Variants in PGM2 observed in about 807,000 individuals in gnomAD.
PGM2 encodes the protein phosphoglucomutase 2, also known as phosphopentomutase.
PGM2 carries 57 observed loss-of-function variants against 74.6 expected under a neutral mutation model. That is an observed-to-expected ratio of 0.76 (90% CI 0.62 to 0.95). PGM2 has a LOEUF of 0.95. Ranked by LOEUF, PGM2 falls within the 40% of genes least tolerant of loss-of-function variation. PGM2 has a pLI of 0.00. For missense variants in PGM2, 706 were observed against 741.9 expected, an observed-to-expected ratio of 0.95 and a Z score of 0.56; for synonymous variants, 273 against 260.7, an observed-to-expected ratio of 1.05 and a Z score of -0.46.
At chr4:37,859,913 T>C (rs2152182913) in intron 13 of PGM2, among the ~76,000 whole-genome samples, 1 of 152,336 alleles carries the variant, frequency 6.6e-6, no homozygotes, top group Middle Eastern at 3.4e-3. Context: ...CTGTTATTTT[T>C]AAAGATGTTA....
At position 37,845,636 on chromosome 4, in the gene PGM2, T is replaced by G; in HGVS notation, c.913T>G (p.Leu305Val). The G allele has an allele frequency of 6.3e-7, 1 of 1,598,448 alleles. No homozygotes were observed. Residue 305 changes from leucine (L) to valine (V), a missense_variant, in exon 8 of 14, where the codon TTG (leucine) becomes GTG (valine). Physicochemically the swap from Leu to Val is conservative, Grantham distance 32. Around this residue, in one of 3 missense-constraint regions of PGM2, gnomAD observed 359 missense variants for 371.1 expected, o/e 0.97. Coordinates refer to ENST00000381967, the MANE Select transcript of PGM2 (RefSeq NM_018290.4). ...TTATTTTCATATTCTTCTTCAGACTTTGTCTTTTGCTTTGGCTGACAAAAC... is the reference window on the plus strand; with the variant it reads ...TTATTTTCATATTCTTCTTCAGACTGTGTCTTTTGCTTTGGCTGACAAAAC... Reference protein sequence around the residue: ...NPEEGKGVLTLSFALADKTKA... With the variant: ...NPEEGKGVLTVSFALADKTKA...
At chr4:37,849,254 T>A (rs966546395) in intron 11 of PGM2, among the ~76,000 whole-genome samples, 1 of 152,098 alleles carries the variant, frequency 6.6e-6, no homozygotes, top group East Asian at 1.9e-4. Context: ...CTATTCATTT[T>A]TTTGTAGCAC....
chr4:37,854,393 C>G (rs28590248), intron 12 of PGM2, among the ~76,000 whole-genome samples: 37,572 of 151,716 alleles, frequency 0.25, 5,723 homozygotes, highest in African/African-American at 0.43. Context: ...CTCTGTTACC[C>G]AGGCTGGAGT....
rs749686877 is a variant in PGM2, at chr4:37,830,081, G to A, written c.199G>A (p.Gly67Arg). 2.5e-6 allele frequency: 4 copies of A among 1,601,680 alleles called. No homozygotes were observed. Among genetic ancestry groups the A allele is most frequent in the Non-Finnish European group, 3.4e-6 (4 of 1,174,360 alleles). The part of the protein sequence containing the change: ...FGTAGLRAAM[G>R]PGISRMNDLT... ...GACAGCTGGCCTCCGAGCTGCTATG[G>A]GACCTGGAATTTCTCGTATGAATGA... The change falls in exon 2 of 14, where the codon GGA becomes AGA. Residue 67 changes from glycine to arginine, a missense_variant. Around this residue, in one of 3 missense-constraint regions of PGM2, gnomAD observed 332 missense variants for 334.9 expected, o/e 0.99. Transcript: ENST00000381967.
chr4:37,853,957 TC>T (rs1226514513), intron 12 of PGM2, among the ~76,000 whole-genome samples: 1 of 152,220 alleles, frequency 6.6e-6, no homozygotes, highest in Non-Finnish European at 1.5e-5. Flanking sequence ...CAAACCCTGT[TC>T]CTGCTTTCCA....
At chr4:37,832,254 A>G (rs1400171916) in intron 2 of PGM2, among the ~76,000 whole-genome samples, 1 of 152,268 alleles carries the variant, frequency 6.6e-6, no homozygotes, top group Non-Finnish European at 1.5e-5. Context: ...TTATCTGAGC[A>G]GCAAGTATAT....
chr4:37,850,185 T>TA lies in PGM2; in HGVS notation c.1415dup (p.Tyr472Ter). 6.5e-7 allele frequency: 1 copy of TA among 1,533,038 alleles called. No individual in the cohort carries two copies. The allele number at this position is 1,533,038 out of a possible 1,614,324, so 95.0% of individuals were successfully genotyped here. A position where few individuals can be genotyped will look rare whatever the true frequency, so the allele number is the denominator to read the frequency against. The stretch of plus-strand genomic sequence containing the variant: ...CATGAATTTGTATTTGTTTGATAGG[T>TA]ATGGCTACCATATTACTAAAGCTTC... ...SQQLKAIYVE[Y>*]GYHITKASYF... The change falls in exon 12 of 14, where the codon TAT (tyrosine) becomes TAAT (stop). Residue 472 changes from tyrosine to a stop codon, truncating the protein, a stop_gained and frameshift_variant and splice_region_variant. Coordinates refer to ENST00000381967, the MANE Select transcript of PGM2 (RefSeq NM_018290.4). LOFTEE classifies it high-confidence loss of function.
chr4:37,845,046 A>G (rs1041900729), intron 7 of PGM2, among the ~76,000 whole-genome samples: 1 of 152,072 alleles, frequency 6.6e-6, no homozygotes. Context: ...GATCTTTCAA[A>G]TTAAACACCC....
At chr4:37,826,951 C>T (rs1212428484) in intron 1 of PGM2, 138 bp downstream of exon 1, 2 of 587,734 alleles carry the variant, frequency 3.4e-6, no homozygotes, top group Non-Finnish European at 3.0e-6. Context: ...GACCCAGGAG[C>T]GTACGGCCGC....
Position 37,845,579 on chromosome 4 carries a change from A to G in PGM2, c.910-54A>G, listed in dbSNP as rs918275371. 5.1e-5 allele frequency: 62 copies of G among 1,214,086 alleles called. No individual in the cohort carries two copies. The African/African-American group carries it at 7.4e-4, about 15-fold the overall frequency. The allele number at this position is 1,214,086 out of a possible 1,614,324, so 75.2% of individuals were successfully genotyped here. A position where few individuals can be genotyped will look rare whatever the true frequency, so the allele number is the denominator to read the frequency against. ...AAGGAACTGAATGTTTTTAAAGACTATCATATGCTCGATTCTTGATTAAAT... is the reference window on the plus strand; with the variant it reads ...AAGGAACTGAATGTTTTTAAAGACTGTCATATGCTCGATTCTTGATTAAAT... On this transcript the variant is annotated intron_variant, in intron 7 of 13. Coordinates refer to ENST00000381967, the MANE Select transcript of PGM2 (RefSeq NM_018290.4).
At chr4:37,843,328 T>G (rs1056290095) in intron 6 of PGM2, among the ~76,000 whole-genome samples, 1 of 152,226 alleles carries the variant, frequency 6.6e-6, no homozygotes, top group Non-Finnish European at 1.5e-5. Context: ...TCTTACATAT[T>G]TATTTTCCAA....
chr4:37,861,486 A>G (rs1711770463), intron 13 of PGM2, 24 bp from the exon 14 acceptor site: 1 of 1,517,084 alleles, frequency 6.6e-7, no homozygotes, highest in Non-Finnish European at 9.2e-7. Flanking sequence ...CTTGACCTGG[A>G]TTTTTTTCCC....
At chr4:37,836,770 C>T (rs971393895) in intron 3 of PGM2, among the ~76,000 whole-genome samples, 14 of 152,138 alleles carry the variant, frequency 9.2e-5, no homozygotes, top group African/African-American at 3.4e-4. Context: ...GCGTCTTACC[C>T]TAAGCAAGTT....
rs759648101 is a variant in PGM2 at position 37,839,875 on chromosome 4, T to C, written c.469T>C (p.Cys157Arg). Residue 157 changes from cysteine (C) to arginine (R), a missense_variant, in exon 5 of 14, where the codon TGT becomes CGT. Physicochemically the swap from Cys to Arg is radical, Grantham distance 180. This residue lies in a region of PGM2 where 332 missense variants were observed against 334.9 expected (regional missense o/e 0.99). Coordinates refer to ENST00000381967, the MANE Select transcript of PGM2 (RefSeq NM_018290.4). ...VPFTVSHLKL[C>R]AGIMITASHN... ...CTTCACAGTATCACATTTGAAACTTTGTGCTGGAATCATGATAACTGCATC... is the reference window on the plus strand; with the variant it reads ...CTTCACAGTATCACATTTGAAACTTCGTGCTGGAATCATGATAACTGCATC... The C allele has an allele frequency of 1.8e-5, 29 of 1,606,336 alleles. 1 individual carries two copies. The South Asian group carries it at 2.3e-4, about 13-fold the overall frequency.
Position 37,850,383 on chromosome 4 carries a change from GTCTTC to G in PGM2, c.1602+15_1602+19del. 6.8e-7 allele frequency: 1 copy of G among 1,460,312 alleles called. No individual in the cohort carries two copies. The highest frequency in any genetic ancestry group is 9.2e-7 in the Non-Finnish European group (1 of 1,091,530). 90.5% of individuals were successfully genotyped at this position (1,460,312 alleles called of 1,614,324 possible). ...ACCTGATAAAAAAGCTGTAAGTAAT[GTCTTC>G]TCTTTTCAACTAACCTCTTTTCTAT... On this transcript the variant is annotated intron_variant, in intron 12 of 13. Transcript: ENST00000381967.
rs1711812822 is a variant in PGM2 at position 37,862,517 on chromosome 4, C to T, written c.*905C>T. On this transcript the variant is annotated 3_prime_UTR_variant, in exon 14 of 14. Transcript: ENST00000381967. ...TGATAGATTTCCTATAAGCCAATTTCTAATAACAAATAGATTTATTATTTA... is the reference window on the plus strand; with the variant it reads ...TGATAGATTTCCTATAAGCCAATTTTTAATAACAAATAGATTTATTATTTA... 1 of 152,086 alleles carries T rather than the reference C, an allele frequency of 6.6e-6. No homozygotes were observed. The highest frequency in any genetic ancestry group is 2.4e-5 in the African/African-American group (1 of 41,428). 9.4% of individuals were successfully genotyped at this position (152,086 alleles called of 1,614,324 possible).
intron 12 of PGM2, among the ~76,000 whole-genome samples, chr4:37,853,184 C>G (rs1726098794): frequency 6.6e-6 from 1 of 152,108 alleles, no homozygotes; most frequent in Non-Finnish European, 1.5e-5. Flanking sequence ...TTCACCCAAG[C>G]TGGAGTGCAG....
intron 4 of PGM2, among the ~76,000 whole-genome samples, chr4:37,837,887 A>AT (rs10710351): frequency 1.9e-4 from 28 of 149,542 alleles, no homozygotes; most frequent in Non-Finnish European, 2.5e-4. Context: ...GAGTCAGCAA[A>AT]TTTTTTTTTT....
intron 6 of PGM2, among the ~76,000 whole-genome samples, chr4:37,841,088 A>ATG: frequency 8.3e-6 from 1 of 120,146 alleles, no homozygotes; most frequent in African/African-American, 4.4e-5. Context: ...ATATATATAT[A>ATG]TATATATATA....
Sources: gnomAD v4.1 joint callset for allele counts (sites outside exome capture counted in the v4.1 genomes callset) on GRCh38, gnomAD v4.1.1 for gene constraint, gnomAD v4.1.1 regional missense constraint, MANE v1.5 for transcripts, NCBI Gene and HGNC (gene_info 2026-07-23, HGNC 2026-07-21) for gene names.